The following UBE2S variants were observed in gnomAD, a reference collection of about 807,000 sequenced individuals.
UBE2S encodes ubiquitin-conjugating enzyme E2 S.
UBE2S carries 3 observed loss-of-function variants against 12.3 expected under a neutral mutation model. The ratio of observed to expected loss-of-function variants is 0.24; its 90% CI spans 0.11 to 0.63. The LOEUF (loss-of-function observed/expected upper bound fraction) is 0.63, where lower values mean the gene tolerates loss of function less well. Ranked by LOEUF, UBE2S falls within the 30% of genes least tolerant of loss-of-function variation. UBE2S has a pLI of 0.85. For missense variants in UBE2S, 211 were observed against 313.9 expected, an observed-to-expected ratio of 0.67 and a Z score of 2.48; for synonymous variants, 133 against 142.0, an observed-to-expected ratio of 0.94 and a Z score of 0.45.
At chr19:55,405,537 G>A (rs116754955) in intron 2 of UBE2S, among the ~76,000 whole-genome samples, 2,520 of 151,934 alleles carry the variant, frequency 0.017, 51 homozygotes, top group African/African-American at 0.057. Flanking sequence ...AGCAAGAATG[G>A]CTGGGTTCCT....
rs578056416 is a variant in UBE2S at position 55,400,309 on chromosome 19, G to A, written c.*1127C>T. ...TGGGATTACAGGCGTGAGCCATTGC[G>A]CCTGGCCTATTTTTAATTTTTTTAA... is the stretch of plus-strand genomic sequence containing the variant. On this transcript the variant is annotated 3_prime_UTR_variant, in exon 4 of 4. Coordinates refer to ENST00000264552, the MANE Select transcript of UBE2S (RefSeq NM_014501.3). The A allele has an allele frequency of 2.6e-5, 4 of 152,236 alleles. No homozygotes were observed. Among genetic ancestry groups the A allele is most frequent in the South Asian group, 2.1e-4 (1 of 4,826 alleles). 9.4% of individuals were successfully genotyped at this position (152,236 alleles called of 1,614,324 possible).
chr19:55,407,019 G>T (rs2090100454), intron 1 of UBE2S, 57 bp from the exon 2 acceptor site: 1 of 1,581,476 alleles, frequency 6.3e-7, no homozygotes, highest in African/African-American at 1.4e-5. Flanking sequence ...CTTCCCGCAG[G>T]GCCTAAAGAT....
At chr19:55,407,070 T>A (rs2090100652) in intron 1 of UBE2S, 108 bp from the exon 2 acceptor site, 1 of 1,379,664 alleles carries the variant, frequency 7.2e-7, no homozygotes, top group Admixed American at 2.2e-5. Flanking sequence ...CCCCAGGCTG[T>A]CAATCACCCT....
chr19:55,401,601 A>C lies in UBE2S; in HGVS notation c.504T>G (p.Gly168=), dbSNP rs111954966. 22,028 of 1,605,766 alleles carry C rather than the reference A, an allele frequency of 0.014. 261 individuals are homozygous for C. Among genetic ancestry groups the C allele is most frequent in the South Asian group, 0.044 (4,019 of 90,712 alleles). ...CTTCAGTGCCACTGGCCAGGGCCCG[A>C]CCGGCTTCGGCCCTGCCGCTGGGCC... ...AGGPSGRAEA[G]RALASGTEAS... is the part of the protein sequence containing the mutation. Residue 168 remains glycine (G), a synonymous_variant, in exon 4 of 4, where the codon GGT becomes GGG. Transcript: ENST00000264552.
intron 2 of UBE2S, 55 bp downstream of exon 2, chr19:55,406,760 C>G: frequency 6.4e-7 from 1 of 1,566,952 alleles, no homozygotes; most frequent in Non-Finnish European, 8.7e-7. Flanking sequence ...TGATCTAGAG[C>G]AGGGTGATGG....
chr19:55,403,050 G>A, intron 3 of UBE2S: 1 of 1,429,298 alleles, frequency 7.0e-7, no homozygotes, highest in Non-Finnish European at 9.5e-7. Context: ...TCTGTGTCAT[G>A]GAGCCATCTC....
At position 55,402,748 on chromosome 19, in the gene UBE2S, G is replaced by A. The variant is rs2077745919; in HGVS notation, c.343-986C>T. On this transcript the variant is annotated intron_variant, in intron 3 of 3. Transcript: ENST00000264552. ...GCAGCAAGTAGGCCTGGAGCTCGGT[G>A]CCAATGTCCCCAGCAGCCTCCAATG... Among the ~76,000 whole-genome samples, 4 of 152,162 alleles carry A rather than the reference G, an allele frequency of 2.6e-5. No individual in the cohort carries two copies. The South Asian group carries it at 8.3e-4, about 31-fold the overall frequency.
At chr19:55,405,060 A>T (rs1165059456) in intron 2 of UBE2S, among the ~76,000 whole-genome samples, 2 of 151,448 alleles carry the variant, frequency 1.3e-5, no homozygotes, top group Non-Finnish European at 2.9e-5. Context: ...AAAATACAAT[A>T]TTAGCCAGGC....
At position 55,407,742 on chromosome 19, in the gene UBE2S, C is replaced by T. The variant is rs146042916; in HGVS notation, c.-153G>A. 1.7e-3 allele frequency: 860 copies of T among 516,800 alleles called. 10 individuals carry two copies. The highest frequency in any genetic ancestry group is 0.016 in the African/African-American group (779 of 49,980). 32.0% of individuals were successfully genotyped at this position (516,800 alleles called of 1,614,324 possible). On this transcript the variant is annotated 5_prime_UTR_variant, in exon 1 of 4. Transcript: ENST00000264552. ...CCCGCTGCCTCCGACGTCCGCCGCG[C>T]ACAGCGTAGACCAACCCGCCGCCCC...
chr19:55,406,355 T>TCCGCAAATCATGTGAC (rs1393380396), intron 2 of UBE2S, among the ~76,000 whole-genome samples: 2 of 152,134 alleles, frequency 1.3e-5, no homozygotes, highest in African/African-American at 2.4e-5. Context: ...TCTAAATCAC[T>TCCGCAAATCATGTGAC]CCGCAAATCA....
chr19:55,404,512 C>G lies in UBE2S; in HGVS notation c.152-34G>C, dbSNP rs1033599596. On this transcript the variant is annotated intron_variant, in intron 2 of 3. Coordinates refer to ENST00000264552, the MANE Select transcript of UBE2S (RefSeq NM_014501.3). This position sits in a 1 kb window ranked among gnomAD's most constrained non-coding sequence, Gnocchi z 4.4. ...GAGGGAGGGGTACAGGGTCAGGGCACTCAGGAGTCCCAAGGCACCTCAACA... is the reference window on the plus strand; with the variant it reads ...GAGGGAGGGGTACAGGGTCAGGGCAGTCAGGAGTCCCAAGGCACCTCAACA... 9.7e-6 allele frequency: 15 copies of G among 1,553,092 alleles called. No homozygotes were observed. The highest frequency in any genetic ancestry group is 1.4e-5 in the African/African-American group (1 of 73,570).
rs73932628 is a variant in UBE2S, at chr19:55,404,542, A to G, written c.152-64T>C. The G allele has an allele frequency of 2.8e-3, 4,043 of 1,442,672 alleles. 102 individuals are homozygous for G. The African/African-American group carries it at 0.05, about 18-fold the overall frequency. The allele number at this position is 1,442,672 out of a possible 1,614,324, so 89.4% of individuals were successfully genotyped here. A position where few individuals can be genotyped will look rare whatever the true frequency, so the allele number is the denominator to read the frequency against. ...GAGTCCCAAGGCACCTCAACACCCCAAAGTCCAGTCTCCACGGTCTGATTG... is the reference window on the plus strand; with the variant it reads ...GAGTCCCAAGGCACCTCAACACCCCGAAGTCCAGTCTCCACGGTCTGATTG... On this transcript the variant is annotated intron_variant, in intron 2 of 3. Coordinates refer to ENST00000264552, the MANE Select transcript of UBE2S (RefSeq NM_014501.3). This position sits in a 1 kb window ranked among gnomAD's most constrained non-coding sequence, Gnocchi z 4.4.
In UBE2S at chr19:55,404,893, A is replaced by G. The variant is rs1053417725; in HGVS notation, c.152-415T>C. Among the ~76,000 whole-genome samples, 8 of 149,484 alleles carry G rather than the reference A, an allele frequency of 5.4e-5. No homozygotes were observed. Among genetic ancestry groups the G allele is most frequent in the Non-Finnish European group, 1.0e-4 (7 of 67,492 alleles). On this transcript the variant is annotated intron_variant, in intron 2 of 3. Transcript: ENST00000264552. The surrounding 1 kb of genome is among the most constrained non-coding windows in gnomAD (Gnocchi z 4.4). Reference sequence around the variant, plus strand: ...GCTGGGATTACAGGCGTGAACCACCATGCCCAGTCAGGCTGTAGAATTCTT... The same window carrying G: ...GCTGGGATTACAGGCGTGAACCACCGTGCCCAGTCAGGCTGTAGAATTCTT...
intron 2 of UBE2S, among the ~76,000 whole-genome samples, chr19:55,405,060 AT>A (rs2090088098): frequency 6.6e-6 from 1 of 151,448 alleles, no homozygotes; most frequent in African/African-American, 2.4e-5. Flanking sequence ...AAAATACAAT[AT>A]TAGCCAGGCG....
chr19:55,405,211 CA>C (rs71181761), intron 2 of UBE2S, among the ~76,000 whole-genome samples: 31 of 95,186 alleles, frequency 3.3e-4, no homozygotes, highest in Admixed American at 1.3e-3. Flanking sequence ...ACTCTGTTTC[CA>C]AAAAAAAAAA....
chr19:55,402,799 C>T (rs2090070461), intron 3 of UBE2S: 1 of 653,062 alleles, frequency 1.5e-6, no homozygotes, highest in African/African-American at 1.8e-5. Flanking sequence ...GGAGGCGGTA[C>T]ATGTGGGAGG....
At chr19:55,407,467 A>G in intron 1 of UBE2S, 120 bp downstream of exon 1, 1 of 1,132,872 alleles carries the variant, frequency 8.8e-7, no homozygotes, top group Admixed American at 3.4e-5. Context: ...ATCCCGGGTC[A>G]GGGACCCCCA....
intron 1 of UBE2S, 29 bp from the exon 2 acceptor site, chr19:55,406,991 C>T: frequency 1.2e-6 from 2 of 1,608,972 alleles, no homozygotes; most frequent in Admixed American, 1.7e-5. Context: ...GCAGGGTGAG[C>T]GAGTGTTAAG....
intron 3 of UBE2S, chr19:55,402,914 GA>G (rs1269917190): frequency 6.6e-7 from 1 of 1,523,136 alleles, no homozygotes; most frequent in Non-Finnish European, 8.8e-7. Flanking sequence ...GGACTCATTA[GA>G]AATTTGGTTA....
Sources: gnomAD v4.1 joint callset for allele counts (sites outside exome capture counted in the v4.1 genomes callset) on GRCh38, gnomAD v4.1.1 for gene constraint, Gnocchi (gnomAD v3.1) non-coding constraint, MANE v1.5 for transcripts, NCBI Gene and HGNC (gene_info 2026-07-23, HGNC 2026-07-21) for gene names.